Variants in PHIP observed in about 807,000 individuals in gnomAD.
The protein encoded by PHIP is PH-interacting protein.
PHIP carries 54 observed loss-of-function variants against 236.8 expected under a neutral mutation model. That is an observed-to-expected ratio of 0.23 (90% CI 0.18 to 0.29). The LOEUF (loss-of-function observed/expected upper bound fraction) is 0.29, where lower values mean the gene tolerates loss of function less well. Among genes scored for constraint, PHIP ranks in the 10% least tolerant of loss-of-function variants. The pLI, the probability that PHIP is intolerant of heterozygous loss-of-function variation, is 1.00. For synonymous variants in PHIP, 756 were observed against 718.9 expected, an observed-to-expected ratio of 1.05 and a Z score of -0.83; for missense variants, 1,370 against 2,190.8, an observed-to-expected ratio of 0.63 and a Z score of 7.48.
At chr6:79,074,266 A>G (rs1774040215) in intron 4 of PHIP, among the ~76,000 whole-genome samples, 2 of 152,082 alleles carry the variant, frequency 1.3e-5, no homozygotes, top group East Asian at 1.9e-4. Context: ...TCTTGGGGGG[A>G]AAAAAGAGAA....
chr6:79,020,071 A>G (rs1771037190), intron 9 of PHIP, among the ~76,000 whole-genome samples: 1 of 152,136 alleles, frequency 6.6e-6, no homozygotes, highest in Non-Finnish European at 1.5e-5. Flanking sequence ...AATTTAGAGC[A>G]GTTTTAGTTT....
intron 24 of PHIP, among the ~76,000 whole-genome samples, chr6:78,971,162 TAATC>T (rs2127706222): frequency 6.6e-6 from 1 of 152,310 alleles, no homozygotes; most frequent in Admixed American, 6.5e-5. Context: ...CAAAATAAGT[TAATC>T]TATGTTGCAT....
At chr6:79,022,821 T>TAAA (rs949817309) in intron 9 of PHIP, among the ~76,000 whole-genome samples, 3 of 152,206 alleles carry the variant, frequency 2.0e-5, no homozygotes, top group African/African-American at 7.2e-5. Flanking sequence ...TTTATAAAGA[T>TAAA]ATTTGAGTTC....
At chr6:79,066,355 T>C (rs1324509397) in intron 4 of PHIP, among the ~76,000 whole-genome samples, 3 of 152,176 alleles carry the variant, frequency 2.0e-5, no homozygotes, top group South Asian at 2.1e-4. Flanking sequence ...GAGAGGTATA[T>C]ACTATCATTA....
intron 31 of PHIP, among the ~76,000 whole-genome samples, chr6:78,958,884 AGGAGAGTAGAAAGG>A (rs1766590552): frequency 1.3e-5 from 2 of 152,076 alleles, no homozygotes; most frequent in African/African-American, 4.8e-5. Context: ...GGGGAGTGGC[AGGAGAGTAGAAAGG>A]GGAGAGTTTT....
intron 15 of PHIP, among the ~76,000 whole-genome samples, chr6:79,009,399 C>A (rs1269064229): frequency 6.6e-6 from 1 of 151,996 alleles, no homozygotes; most frequent in Non-Finnish European, 1.5e-5. Context: ...AGTTTCAATT[C>A]CTTCTCCTCA....
intron 4 of PHIP, among the ~76,000 whole-genome samples, chr6:79,072,492 C>A (rs200774037): frequency 1.5e-5 from 2 of 133,872 alleles, no homozygotes; most frequent in East Asian, 4.6e-4. Context: ...TTTTTTTTTT[C>A]TTTTCTTGAG....
chr6:79,043,101 G>A, intron 6 of PHIP, 98 bp from the exon 7 acceptor site: 1 of 958,318 alleles, frequency 1.0e-6, no homozygotes, highest in Non-Finnish European at 1.6e-6. Flanking sequence ...GTCATGTGCA[G>A]GTAAAAATAA....
chr6:79,022,123 G>A (rs549010717), intron 9 of PHIP, among the ~76,000 whole-genome samples: 1 of 152,224 alleles, frequency 6.6e-6, no homozygotes, highest in African/African-American at 2.4e-5. Flanking sequence ...TTTTTAAAAA[G>A]GGCCTTGGGC....
chr6:78,964,136 CA>C (rs1766975111), intron 29 of PHIP, among the ~76,000 whole-genome samples: 1 of 151,834 alleles, frequency 6.6e-6, no homozygotes. Context: ...ATGAGAGAAA[CA>C]AAACAAAAAC....
intron 6 of PHIP, among the ~76,000 whole-genome samples, chr6:79,045,790 A>G (rs891760847): frequency 5.9e-5 from 9 of 152,196 alleles, no homozygotes; most frequent in African/African-American, 2.2e-4. Context: ...ATATGACATT[A>G]TAATTTAACC....
chr6:79,009,632 G>A (rs1335716781), intron 15 of PHIP, among the ~76,000 whole-genome samples: 1 of 151,972 alleles, frequency 6.6e-6, no homozygotes, highest in Non-Finnish European at 1.5e-5. Flanking sequence ...TAACACAAAA[G>A]AAAACACTCA....
At chr6:79,047,851 C>T (rs1772579975) in intron 6 of PHIP, among the ~76,000 whole-genome samples, 1 of 152,050 alleles carries the variant, frequency 6.6e-6, no homozygotes, top group South Asian at 2.1e-4. Context: ...ACTCTTTAAT[C>T]CATCTACAAT....
At chr6:79,046,363 C>T (rs1039621685) in intron 6 of PHIP, among the ~76,000 whole-genome samples, 6 of 152,186 alleles carry the variant, frequency 3.9e-5, no homozygotes, top group African/African-American at 1.4e-4. Context: ...CTGCCATCAC[C>T]CATAACTTCT....
chr6:79,018,504 T>C (rs1770946601), intron 10 of PHIP, among the ~76,000 whole-genome samples: 1 of 152,020 alleles, frequency 6.6e-6, no homozygotes, highest in Admixed American at 6.6e-5. Context: ...TCATGTTTCA[T>C]TTAATTTTCT....
intron 20 of PHIP, among the ~76,000 whole-genome samples, chr6:78,989,199 T>TA (rs1481818209): frequency 1.3e-5 from 2 of 152,168 alleles, no homozygotes; most frequent in African/African-American, 4.8e-5. Context: ...AGAATCCTGC[T>TA]TTGGGGTCAG....
At position 78,938,843 on chromosome 6, in the gene PHIP, C is replaced by T. The variant is rs1773367062; in HGVS notation, c.*1850G>A. On this transcript the variant is annotated 3_prime_UTR_variant, in exon 40 of 40. Transcript: ENST00000275034. Reference sequence around the variant, plus strand: ...TTTAGTTACAAATGATCTAAAAAGCCCAAATGTATCACTTTTTCATTCTTC... The same window carrying T: ...TTTAGTTACAAATGATCTAAAAAGCTCAAATGTATCACTTTTTCATTCTTC... 1 of 151,548 alleles carries T rather than the reference C, an allele frequency of 6.6e-6. No homozygotes were observed. Among genetic ancestry groups the T allele is most frequent in the African/African-American group, 2.4e-5 (1 of 41,470 alleles). 9.4% of individuals were successfully genotyped at this position (151,548 alleles called of 1,614,324 possible).
intron 4 of PHIP, among the ~76,000 whole-genome samples, chr6:79,062,539 G>A (rs1484376896): frequency 6.6e-6 from 1 of 152,084 alleles, no homozygotes; most frequent in East Asian, 1.9e-4. Flanking sequence ...TAAAGAAGAT[G>A]GAAGTTCATT....
rs1313125891 is a variant in PHIP at position 78,947,740 on chromosome 6, A to T, written c.4089T>A (p.Phe1363Leu). The T allele has an allele frequency of 6.2e-7, 1 of 1,608,670 alleles. No individual in the cohort carries two copies. Among genetic ancestry groups the T allele is most frequent in the Non-Finnish European group, 8.5e-7 (1 of 1,175,292 alleles). ...YRDIIDTPMD[F>L]ATVRETLEAG... ...CCTCTAAAGTTTCTCTAACGGTAGC[A>T]AAATCCATTGGAGTGTCAATGATGT... The change falls in exon 36 of 40, where the codon TTT becomes TTA. Residue 1363 changes from phenylalanine (F) to leucine (L), a missense_variant. By Grantham distance (22) the Phe-to-Leu change is conservative. Transcript: ENST00000275034.
Sources: gnomAD v4.1 joint callset for allele counts (sites outside exome capture counted in the v4.1 genomes callset) on GRCh38, gnomAD v4.1.1 for gene constraint, MANE v1.5 for transcripts, NCBI Gene and HGNC (gene_info 2026-07-23, HGNC 2026-07-21) for gene names.